Variants in ZNF827 observed in about 807,000 individuals in gnomAD.
The protein encoded by ZNF827 is zinc finger protein 827.
A neutral mutation model predicts 102.4 loss-of-function variants in ZNF827; 13 were observed. That is an observed-to-expected ratio of 0.13 (90% CI 0.08 to 0.20). ZNF827 has a LOEUF of 0.20. ZNF827 is among the 10% of genes least tolerant of loss of function. The pLI, the probability that ZNF827 is intolerant of heterozygous loss-of-function variation, is 1.00. For synonymous variants in ZNF827, 523 were observed against 536.2 expected, an observed-to-expected ratio of 0.98 and a Z score of 0.34; for missense variants, 1,103 against 1,344.4, an observed-to-expected ratio of 0.82 and a Z score of 2.81.
intron 4 of ZNF827, among the ~76,000 whole-genome samples, chr4:145,872,284 T>C (rs1417664466): frequency 1.3e-5 from 2 of 151,988 alleles, no homozygotes; most frequent in Non-Finnish European, 2.9e-5. Context: ...CCCTAATGCA[T>C]TGTGACTGGT....
chr4:145,858,257 CT>C (rs1447534548), intron 5 of ZNF827, among the ~76,000 whole-genome samples: 4 of 152,004 alleles, frequency 2.6e-5, no homozygotes, highest in African/African-American at 9.7e-5. Context: ...AGGAGGATCA[CT>C]TTTAATAAAG....
At chr4:145,823,068 C>T (rs1342033994) in intron 8 of ZNF827, among the ~76,000 whole-genome samples, 3 of 152,140 alleles carry the variant, frequency 2.0e-5, no homozygotes, top group East Asian at 1.9e-4. Context: ...TAGCACTCTT[C>T]GCCACTGCCC....
intron 3 of ZNF827, among the ~76,000 whole-genome samples, chr4:145,890,052 C>G (rs1164052757): frequency 6.6e-6 from 1 of 151,686 alleles, no homozygotes; most frequent in Admixed American, 6.6e-5. Flanking sequence ...GGATATCTAC[C>G]CATAAGACTA....
rs72118300 is a variant in ZNF827, at chr4:145,844,677, C to CAAAT, written c.2279+1275_2279+1278dup. Among the ~76,000 whole-genome samples, 785 of 128,446 alleles carry CAAAT rather than the reference C, an allele frequency of 6.1e-3. 10 individuals carry two copies. The highest frequency in any genetic ancestry group is 6.0e-3 in the African/African-American group (204 of 34,024). 84.3% of individuals were successfully genotyped at this position (128,446 alleles called of 152,430 possible). ...CCTGGGAAACAGAGTGAGACTGTCT[C>CAAAT]AAATAAATAAATAAATAAATAAATA... is the stretch of plus-strand genomic sequence containing the variant. On this transcript the variant is annotated intron_variant, in intron 7 of 14. Coordinates refer to ENST00000508784, the MANE Select transcript of ZNF827 (RefSeq NM_001306215.2).
At chr4:145,807,805 A>C (rs549766235) in intron 8 of ZNF827, among the ~76,000 whole-genome samples, 33 of 151,654 alleles carry the variant, frequency 2.2e-4, no homozygotes, top group African/African-American at 3.4e-4. Flanking sequence ...AAAAACAAAA[A>C]AAAAACAAAA....
chr4:145,762,270 G>A lies in ZNF827; in HGVS notation c.*18-672C>T, dbSNP rs1024267251. Reference sequence around the variant, plus strand: ...GCTCTTTGTCAGGAAAGGAAGCTGAGGACTATGGCAGGGGCATGGGAGGAG... The same window carrying A: ...GCTCTTTGTCAGGAAAGGAAGCTGAAGACTATGGCAGGGGCATGGGAGGAG... On this transcript the variant is annotated intron_variant, in intron 14 of 14. Transcript: ENST00000508784. This position sits in a 1 kb window ranked among gnomAD's most constrained non-coding sequence, Gnocchi z 4.9. Among the ~76,000 whole-genome samples the A allele has an allele frequency of 1.5e-4, 23 of 152,130 alleles. No homozygotes were observed. The highest frequency in any genetic ancestry group is 1.2e-3 in the Admixed American group (18 of 15,268).
chr4:145,825,396 G>A (rs1743569837), intron 7 of ZNF827, among the ~76,000 whole-genome samples: 1 of 152,222 alleles, frequency 6.6e-6, no homozygotes, highest in Non-Finnish European at 1.5e-5. Context: ...TCAGGGAACT[G>A]GACTTCAGTT....
rs1457256943 is a variant in ZNF827 at position 145,845,968 on chromosome 4, C to T, written c.2267G>A (p.Arg756Gln). ...EHNHTKENTI[R>Q]TTTSPFFSED... ...CAAAGTCGCCTACCTGGTCGTGGTC[C>T]GGATGGTGTTTTCTTTTGTATGATT... Residue 756 changes from arginine (R) to glutamine (Q), a missense_variant, in exon 7 of 15, where the codon CGG becomes CAG. Arg to Gln is a conservative substitution (Grantham distance 43). This residue lies in a region of ZNF827 where 243 missense variants were observed against 251.6 expected (regional missense o/e 0.97). Coordinates refer to ENST00000508784, the MANE Select transcript of ZNF827 (RefSeq NM_001306215.2). The T allele has an allele frequency of 1.5e-5, 25 of 1,614,002 alleles. No homozygotes were observed. The highest frequency in any genetic ancestry group is 2.2e-5 in the East Asian group (1 of 44,890).
In ZNF827 at chr4:145,779,422, C is replaced by T; in HGVS notation, c.2473G>A (p.Val825Met). 1 of 1,614,146 alleles carries T rather than the reference C, an allele frequency of 6.2e-7. No individual in the cohort carries two copies. The highest frequency in any genetic ancestry group is 1.3e-5 in the African/African-American group (1 of 75,070). ...GACAATGTCTGCTGTCGGCCAAACACTTTCCCACACACGTCACAGGGAAAA... is the reference window on the plus strand; with the variant it reads ...GACAATGTCTGCTGTCGGCCAAACATTTTCCCACACACGTCACAGGGAAAA... ...QLFPCDVCGK[V>M]FGRQQTLSRH... is the part of the protein sequence containing the mutation. The change falls in exon 9 of 15, where the codon GTG (valine) becomes ATG (methionine). Residue 825 changes from valine to methionine, a missense_variant. Val to Met is a conservative substitution (Grantham distance 21). Coordinates refer to ENST00000508784, the MANE Select transcript of ZNF827 (RefSeq NM_001306215.2).
chr4:145,879,811 C>T (rs976674501), intron 4 of ZNF827, among the ~76,000 whole-genome samples: 4 of 152,198 alleles, frequency 2.6e-5, no homozygotes, highest in African/African-American at 9.7e-5. Context: ...GAAATCCTGG[C>T]TAATTCCACA....
At position 145,760,808 on chromosome 4, in the gene ZNF827, C is replaced by G. The variant is rs1734374448; in HGVS notation, c.*808G>C. 8.4e-7 allele frequency: 1 copy of G among 1,185,876 alleles called. No homozygotes were observed. The highest frequency in any genetic ancestry group is 1.1e-6 in the Non-Finnish European group (1 of 938,692). 73.5% of individuals were successfully genotyped at this position (1,185,876 alleles called of 1,614,324 possible). A position where few individuals can be genotyped will look rare whatever the true frequency, so the allele number is the denominator to read the frequency against. ...ACAGTCTCTGCTCTTTCTCTCAGTC[C>G]GAGATAGGCCAGGAAGGAGTGTTTG... On this transcript the variant is annotated 3_prime_UTR_variant, in exon 15 of 15. Transcript: ENST00000508784.
intron 1 of ZNF827, among the ~76,000 whole-genome samples, chr4:145,918,332 CAAAAAAAAAAA>C (rs34428145): frequency 3.6e-4 from 8 of 22,128 alleles, no homozygotes; most frequent in African/African-American, 6.9e-4. Flanking sequence ...TAGCTCAAGG[CAAAAAAAAAAA>C]AAAAAAAAAA....
intron 7 of ZNF827, among the ~76,000 whole-genome samples, chr4:145,835,626 C>T (rs1744755671): frequency 1.3e-5 from 2 of 150,156 alleles, no homozygotes; most frequent in South Asian, 2.2e-4. Flanking sequence ...TTGTATCCCC[C>T]CACCTTAACC....
In ZNF827 at chr4:145,902,160, C is replaced by T; in HGVS notation, c.1093+6G>A. ...TACACGATGATTGAAAGAAAAGATG[C>T]CATACCTGAATTGGAGGGTTTAGAA... On this transcript the variant is annotated splice_donor_region_variant and intron_variant, in intron 2 of 14. Transcript: ENST00000508784. This position sits in a 1 kb window ranked among gnomAD's most constrained non-coding sequence, Gnocchi z 4.3. 1 of 1,577,324 alleles carries T rather than the reference C, an allele frequency of 6.3e-7. No homozygotes were observed. The highest frequency in any genetic ancestry group is 1.2e-5 in the South Asian group (1 of 82,896).
chr4:145,819,583 A>G (rs757126271), intron 8 of ZNF827, among the ~76,000 whole-genome samples: 13 of 152,196 alleles, frequency 8.5e-5, no homozygotes, highest in Non-Finnish European at 1.5e-4. Context: ...TAAATTAAAT[A>G]AAGTACATTA....
chr4:145,814,270 C>A (rs141730099), intron 8 of ZNF827, among the ~76,000 whole-genome samples: 1 of 152,228 alleles, frequency 6.6e-6, no homozygotes, highest in Non-Finnish European at 1.5e-5. Flanking sequence ...TTTTCCTTCA[C>A]GGCTTCAATG....
At chr4:145,857,575 G>T (rs1359030024) in intron 5 of ZNF827, among the ~76,000 whole-genome samples, 1 of 152,108 alleles carries the variant, frequency 6.6e-6, no homozygotes, top group Non-Finnish European at 1.5e-5. Context: ...ACTTGATTCT[G>T]GTGACCAGAT....
intron 9 of ZNF827, 79 bp from the exon 10 acceptor site, chr4:145,776,039 G>A: frequency 6.5e-7 from 1 of 1,529,182 alleles, no homozygotes; most frequent in Non-Finnish European, 9.0e-7. Context: ...ATCAGTTAAA[G>A]GTATCAAGGA....
At chr4:145,764,035 G>A (rs570189247) in intron 13 of ZNF827, among the ~76,000 whole-genome samples, 1 of 152,282 alleles carries the variant, frequency 6.6e-6, no homozygotes, top group Admixed American at 6.5e-5. Flanking sequence ...CCATCTAGGG[G>A]AGTCATGCCA....
Sources: gnomAD v4.1 joint callset for allele counts (sites outside exome capture counted in the v4.1 genomes callset) on GRCh38, gnomAD v4.1.1 for gene constraint, gnomAD v4.1.1 regional missense constraint, Gnocchi (gnomAD v3.1) non-coding constraint, MANE v1.5 for transcripts, NCBI Gene and HGNC (gene_info 2026-07-23, HGNC 2026-07-21) for gene names.